The following RPS6KA2 variants were observed in gnomAD, a reference collection of about 807,000 sequenced individuals.
RPS6KA2 encodes the protein ribosomal protein S6 kinase A2.
RPS6KA2 carries 42 observed loss-of-function variants against 91.8 expected under a neutral mutation model. The observed-to-expected ratio is 0.46, with a 90% CI of 0.36 to 0.59. RPS6KA2 has a LOEUF of 0.59. Ranked by LOEUF, RPS6KA2 falls within the 20% of genes least tolerant of loss-of-function variation. The probability of loss-of-function intolerance (pLI) is 0.00; values close to 1 mark genes in which losing one functional copy is unlikely to be tolerated. For missense variants in RPS6KA2, 798 were observed against 978.5 expected (o/e 0.82, Z 2.46); for synonymous variants, 414 against 393.6 (o/e 1.05, Z -0.61).
At chr6:166,476,367 C>T (rs1780974729) in intron 10 of RPS6KA2, among the ~76,000 whole-genome samples, 1 of 152,208 alleles carries the variant, frequency 6.6e-6, no homozygotes, top group Non-Finnish European at 1.5e-5. Flanking sequence ...TTTGTCAAGG[C>T]TGCCCCAAGA....
intron 1 of RPS6KA2, among the ~76,000 whole-genome samples, chr6:166,625,489 T>G (rs1290935826): frequency 1.3e-5 from 2 of 152,042 alleles, no homozygotes; most frequent in African/African-American, 2.4e-5. Flanking sequence ...CTGCTCTTCA[T>G]AAACAATGCC....
chr6:166,688,691 C>T (rs532886747), intron 2 of RPS6KA2, among the ~76,000 whole-genome samples: 4 of 152,312 alleles, frequency 2.6e-5, no homozygotes, highest in African/African-American at 7.2e-5. Context: ...CAACAGACAG[C>T]GTTGAAACCG....
chr6:166,764,159 C>T (rs904608608), intron 2 of RPS6KA2, among the ~76,000 whole-genome samples: 12 of 151,950 alleles, frequency 7.9e-5, no homozygotes, highest in South Asian at 2.1e-4. Flanking sequence ...CTGGGGAGGG[C>T]GTGAGTGAGA....
chr6:166,420,103 A>C, intron 17 of RPS6KA2, 145 bp from the exon 18 acceptor site: 1 of 702,356 alleles, frequency 1.4e-6, no homozygotes, highest in Non-Finnish European at 2.4e-6. Flanking sequence ...ACTGTTTCTT[A>C]AGGCAAAGCC....
chr6:166,699,144 G>A (rs975552363), intron 2 of RPS6KA2, among the ~76,000 whole-genome samples: 9 of 152,144 alleles, frequency 5.9e-5, no homozygotes, highest in Non-Finnish European at 1.2e-4. Flanking sequence ...TCATCAGGTT[G>A]CATGAGATTT....
rs1001136613 is a variant in RPS6KA2 at position 166,523,021 on chromosome 6, C to T, written c.298+8211G>A. On this transcript the variant is annotated intron_variant, in intron 3 of 20. Coordinates refer to ENST00000265678, the MANE Select transcript of RPS6KA2 (RefSeq NM_021135.6). Reference sequence around the variant, plus strand: ...AAAATCTTAAGCCCATTACTCTTAACTACTTACACTGCAGAGGTATTAAAG... The same window carrying T: ...AAAATCTTAAGCCCATTACTCTTAATTACTTACACTGCAGAGGTATTAAAG... 2.6e-5 allele frequency among the ~76,000 whole-genome samples: 4 copies of T among 152,212 alleles called. No individual in the cohort carries two copies. The South Asian group carries it at 8.3e-4, about 32-fold the overall frequency.
chr6:166,601,684 A>T (rs1785734853), intron 1 of RPS6KA2, among the ~76,000 whole-genome samples: 1 of 152,248 alleles, frequency 6.6e-6, no homozygotes, highest in African/African-American at 2.4e-5. Flanking sequence ...CACTAAAAAA[A>T]TTGGTTATCT....
rs1316160454 is a variant in RPS6KA2, at chr6:166,493,143, C to T, written c.748-2402G>A. Among the ~76,000 whole-genome samples the T allele has an allele frequency of 3.3e-5, 5 of 152,208 alleles. No homozygotes were observed. The East Asian group carries it at 7.7e-4, about 24-fold the overall frequency. ...CTCCATCCATATGGTAGGAGGTCCC[C>T]AACCATCTACTCAGCCAGAGAACAC... On this transcript the variant is annotated intron_variant, in intron 8 of 20. Transcript: ENST00000265678. This position sits in a 1 kb window ranked among gnomAD's most constrained non-coding sequence, Gnocchi z 4.7.
At chr6:166,424,814 C>T (rs16898920) in intron 16 of RPS6KA2, among the ~76,000 whole-genome samples, 2,824 of 151,972 alleles carry the variant, frequency 0.019, 97 homozygotes, top group African/African-American at 0.065. Flanking sequence ...TTGCAAGTAA[C>T]GAAAATTCTT....
Position 166,648,192 on chromosome 6 carries a change from GCTCATACACACA to G in RPS6KA2, c.124-109420_124-109409del, listed in dbSNP as rs113324487. ...CACATGCTCACACACATGCACACATGCTCATACACACACTCATGCACACACACGCACATGCGC... is the reference window on the plus strand; with the variant it reads ...CACATGCTCACACACATGCACACATGCTCATGCACACACACGCACATGCGC... On this transcript the variant is annotated intron_variant, in intron 2 of 21. Transcript: ENST00000503859. This position sits in a 1 kb window ranked among gnomAD's most constrained non-coding sequence, Gnocchi z 4.8. Among the ~76,000 whole-genome samples, 25,637 of 131,858 alleles carry G rather than the reference GCTCATACACACA, an allele frequency of 0.19. 2,358 individuals are homozygous for G. The highest frequency in any genetic ancestry group is 0.28 in the African/African-American group (9,970 of 36,244). The allele number at this position is 131,858 out of a possible 152,430, so 86.5% of individuals were successfully genotyped here. A position where few individuals can be genotyped will look rare whatever the true frequency, so the allele number is the denominator to read the frequency against.
chr6:166,474,209 T>C (rs1257298216), intron 10 of RPS6KA2, among the ~76,000 whole-genome samples: 1 of 152,142 alleles, frequency 6.6e-6, no homozygotes, highest in East Asian at 1.9e-4. Context: ...GTCCCAGCAA[T>C]GCCAGTAGAA....
intron 1 of RPS6KA2, among the ~76,000 whole-genome samples, chr6:166,582,026 G>A (rs1310100374): frequency 1.5e-5 from 2 of 136,968 alleles, no homozygotes; most frequent in African/African-American, 2.8e-5. Context: ...GGGGTGGGAC[G>A]TCCACTGGGC....
intron 1 of RPS6KA2, among the ~76,000 whole-genome samples, chr6:166,550,972 GCA>G (rs1189295832): frequency 6.6e-5 from 8 of 121,464 alleles, no homozygotes; most frequent in Admixed American, 4.1e-4. Flanking sequence ...CTCCAGCCTG[GCA>G]ACAGAGCCGG....
chr6:166,631,381 A>G (rs1787070180), upstream of RPS6KA2, among the ~76,000 whole-genome samples: 1 of 152,194 alleles, frequency 6.6e-6, no homozygotes. Flanking sequence ...TGTGGAAACC[A>G]TCATGGTTGG....
At chr6:166,761,779 C>G (rs146610832) in intron 2 of RPS6KA2, among the ~76,000 whole-genome samples, 1 of 152,198 alleles carries the variant, frequency 6.6e-6, no homozygotes, top group Non-Finnish European at 1.5e-5. Context: ...TCCTAGGCCC[C>G]GGGGAGATAG....
chr6:166,519,866 G>T (rs1017129311), intron 3 of RPS6KA2, among the ~76,000 whole-genome samples: 1 of 152,172 alleles, frequency 6.6e-6, no homozygotes, highest in Non-Finnish European at 1.5e-5. Context: ...AGTATATTGT[G>T]GTGGTTAGTT....
intron 11 of RPS6KA2, among the ~76,000 whole-genome samples, chr6:166,462,332 G>A (rs947457944): frequency 2.0e-4 from 31 of 152,136 alleles, no homozygotes; most frequent in Middle Eastern, 6.3e-3. Context: ...CTCGTCCACC[G>A]ATGGGGCAGG....
intron 2 of RPS6KA2, among the ~76,000 whole-genome samples, chr6:166,680,512 T>C (rs1788764231): frequency 6.6e-6 from 1 of 152,178 alleles, no homozygotes; most frequent in Non-Finnish European, 1.5e-5. Context: ...TGCCCACTTT[T>C]TGGGTCTGTG....
chr6:166,780,695 G>C (rs1029473687), intron 2 of RPS6KA2, among the ~76,000 whole-genome samples: 1 of 152,136 alleles, frequency 6.6e-6, no homozygotes, highest in Admixed American at 6.5e-5. Context: ...GATGTCGAAG[G>C]TCTCCTGGTG....
Sources: gnomAD v4.1 joint callset for allele counts (sites outside exome capture counted in the v4.1 genomes callset) on GRCh38, gnomAD v4.1.1 for gene constraint, Gnocchi (gnomAD v3.1) non-coding constraint, MANE v1.5 for transcripts, NCBI Gene and HGNC (gene_info 2026-07-23, HGNC 2026-07-21) for gene names.